Variants in FMO2 observed in about 807,000 individuals in gnomAD.
FMO2 encodes the protein flavin-containing monooxygenase 2.
Under a neutral mutation model 41.6 loss-of-function variants are expected in FMO2, and 33 were observed. The ratio of observed to expected loss-of-function variants is 0.79; its 90% CI spans 0.60 to 1.06. FMO2 has a LOEUF of 1.06. Among genes scored for constraint, FMO2 ranks in the 50% least tolerant of loss-of-function variants. The pLI, the probability that FMO2 is intolerant of heterozygous loss-of-function variation, is 0.00. For missense variants in FMO2, 619 were observed against 632.9 expected (o/e 0.98, Z 0.23); for synonymous variants, 214 against 219.6 (o/e 0.97, Z 0.23).
At position 171,209,572 on chromosome 1, in the gene FMO2, T is replaced by C. The variant is rs1571297147; in HGVS notation, c.*427T>C. 3.3e-5 allele frequency: 5 copies of C among 153,230 alleles called. 1 individual carries two copies. In the South Asian group the frequency reaches 1.0e-3, roughly 32 times the overall value. 9.5% of individuals were successfully genotyped at this position (153,230 alleles called of 1,614,324 possible). A position where few individuals can be genotyped will look rare whatever the true frequency, so the allele number is the denominator to read the frequency against. On this transcript the variant is annotated 3_prime_UTR_variant, in exon 9 of 9. Coordinates refer to ENST00000209929, the MANE Select transcript of FMO2 (RefSeq NM_001460.5). ...TCTGATGGTCTTCTATCCACCCTAC[T>C]TGGTAACAAAGTTCTCAGATGTTAG...
intron 3 of FMO2, among the ~76,000 whole-genome samples, chr1:171,194,234 G>T (rs949999116): frequency 1.3e-5 from 2 of 152,006 alleles, no homozygotes; most frequent in Non-Finnish European, 2.9e-5. Context: ...AAATTCATTG[G>T]TCTCTGTTCA....
chr1:171,207,919 C>A, intron 8 of FMO2, 129 bp downstream of exon 8: 3 of 637,466 alleles, frequency 4.7e-6, no homozygotes, highest in Non-Finnish European at 5.6e-6. Flanking sequence ...ATGATTGAAT[C>A]AGAAACTCCG....
At chr1:171,204,990 T>G (rs1309537444) in intron 6 of FMO2, among the ~76,000 whole-genome samples, 1 of 152,194 alleles carries the variant, frequency 6.6e-6, no homozygotes, top group Admixed American at 6.5e-5. Context: ...TACTTGGGGA[T>G]TGACCATAGG....
In FMO2 at chr1:171,199,472, G is replaced by A. The variant is rs779630398; in HGVS notation, c.611G>A (p.Ser204Asn). ...NSGSDIAVEL[S>N]KNAAQVFIST... The stretch of plus-strand genomic sequence containing the variant: ...GGCTCAGATATTGCTGTTGAGCTGA[G>A]TAAGAATGCTGCTCAGGTGTGATGC... The change falls in exon 5 of 9, where the codon AGT becomes AAT. Residue 204 changes from serine (S) to asparagine (N), a missense_variant. Coordinates refer to ENST00000209929, the MANE Select transcript of FMO2 (RefSeq NM_001460.5). 6.2e-7 allele frequency: 1 copy of A among 1,611,190 alleles called. No individual in the cohort carries two copies. Among genetic ancestry groups the A allele is most frequent in the Non-Finnish European group, 8.5e-7 (1 of 1,178,766 alleles).
intron 3 of FMO2, 58 bp from the exon 4 acceptor site, chr1:171,196,591 C>A: frequency 6.5e-7 from 1 of 1,528,640 alleles, no homozygotes; most frequent in Non-Finnish European, 9.0e-7. Context: ...GAAAGACACA[C>A]TTGGCCAATG....
At chr1:171,207,307 C>T (rs1658800937) in intron 7 of FMO2, among the ~76,000 whole-genome samples, 1 of 152,152 alleles carries the variant, frequency 6.6e-6, no homozygotes, top group Non-Finnish European at 1.5e-5. Flanking sequence ...GGCTTGCCTC[C>T]CTGGAGTCCA....
At chr1:171,192,791 T>A (rs1199486231) in intron 2 of FMO2, among the ~76,000 whole-genome samples, 1 of 151,176 alleles carries the variant, frequency 6.6e-6, no homozygotes, top group Non-Finnish European at 1.5e-5. Flanking sequence ...AAAAAAAGAT[T>A]TGATTCTATC....
chr1:171,193,968 C>T (rs909532685), intron 3 of FMO2, among the ~76,000 whole-genome samples: 12 of 151,874 alleles, frequency 7.9e-5, no homozygotes, highest in Non-Finnish European at 1.5e-4. Context: ...TTGGTAGGGA[C>T]GAGGTTTCAC....
In FMO2 at chr1:171,193,532, T is replaced by A. The variant is rs1362534326; in HGVS notation, c.321+9T>A. The A allele has an allele frequency of 1.9e-6, 3 of 1,568,104 alleles. No individual in the cohort carries two copies. The highest frequency in any genetic ancestry group is 2.6e-6 in the Non-Finnish European group (3 of 1,144,686). ...AATATATTCAGTTCCAGGTATTGTATTTTTGGGGAAATGGGTTTCTCTGCA... is the reference window on the plus strand; with the variant it reads ...AATATATTCAGTTCCAGGTATTGTAATTTTGGGGAAATGGGTTTCTCTGCA... On this transcript the variant is annotated intron_variant, in intron 3 of 8. Transcript: ENST00000209929.
intron 5 of FMO2, among the ~76,000 whole-genome samples, chr1:171,201,742 A>G (rs1275293471): frequency 6.6e-6 from 1 of 152,200 alleles, no homozygotes; most frequent in African/African-American, 2.4e-5. Context: ...ATTGACTTAC[A>G]GTTTGGCATG....
Position 171,193,164 on chromosome 1 carries a change from G to A in FMO2, c.133-171G>A, listed in dbSNP as rs28369848. ...CACAGGCAGGCAACAAACTGGTGTC[G>A]TCACAGAATGATTGATGGAACACAT... On this transcript the variant is annotated intron_variant, in intron 2 of 8. Transcript: ENST00000209929. Among the ~76,000 whole-genome samples, 1,410 of 152,224 alleles carry A rather than the reference G, an allele frequency of 9.3e-3. 24 individuals are homozygous for A. Among genetic ancestry groups the A allele is most frequent in the African/African-American group, 0.033 (1,351 of 41,526 alleles).
chr1:171,205,419 A>G lies in FMO2; in HGVS notation c.968A>G (p.Asp323Gly). 7 of 1,613,902 alleles carry G rather than the reference A, an allele frequency of 4.3e-6. No individual in the cohort carries two copies. Among genetic ancestry groups the G allele is most frequent in the Non-Finnish European group, 5.9e-6 (7 of 1,179,846 alleles). ...FEDGTVEENI[D>G]VIIFATGYSF... ...GATGGAACAGTGGAGGAGAACATTGATGTCATCATTTTTGCAACAGGATAT... is the reference window on the plus strand; with the variant it reads ...GATGGAACAGTGGAGGAGAACATTGGTGTCATCATTTTTGCAACAGGATAT... The change falls in exon 7 of 9, where the codon GAT (aspartate) becomes GGT (glycine). Residue 323 changes from aspartate (D) to glycine (G), a missense_variant. Transcript: ENST00000209929.
At chr1:171,191,860 C>CAAAAAAAAA (rs61114452) in intron 2 of FMO2, among the ~76,000 whole-genome samples, 11 of 73,698 alleles carry the variant, frequency 1.5e-4, no homozygotes, top group Non-Finnish European at 2.5e-4. Flanking sequence ...CTCATCTCTA[C>CAAAAAAAAA]AAAAAAAAAA....
At chr1:171,191,473 A>T (rs1262960680) in intron 2 of FMO2, among the ~76,000 whole-genome samples, 1 of 152,242 alleles carries the variant, frequency 6.6e-6, no homozygotes, top group East Asian at 1.9e-4. Flanking sequence ...ATAATAACAG[A>T]AAAGAGATAA....
At chr1:171,191,053 G>T (rs1658064211) in intron 2 of FMO2, among the ~76,000 whole-genome samples, 1 of 151,972 alleles carries the variant, frequency 6.6e-6, no homozygotes, top group South Asian at 2.1e-4. Context: ...GCTGAGGCAG[G>T]AGAATCACTT....
chr1:171,197,893 C>T (rs759592398), intron 4 of FMO2, among the ~76,000 whole-genome samples: 4 of 152,214 alleles, frequency 2.6e-5, no homozygotes, highest in South Asian at 2.1e-4. Flanking sequence ...TTTCAGCAGA[C>T]GCAGCCCTTC....
intron 2 of FMO2, among the ~76,000 whole-genome samples, chr1:171,192,873 C>T (rs1220080358): frequency 6.6e-6 from 1 of 152,094 alleles, no homozygotes; most frequent in Non-Finnish European, 1.5e-5. Flanking sequence ...TTGCAAACTC[C>T]CTTCCTCCAA....
At chr1:171,185,658 CT>C in intron 1 of FMO2, 49 bp from the exon 2 acceptor site, 1 of 1,598,812 alleles carries the variant, frequency 6.3e-7, no homozygotes, top group South Asian at 1.1e-5. Flanking sequence ...TAAGGATTCT[CT>C]TACCGGTTGT....
chr1:171,203,796 C>A (rs2102008513), intron 5 of FMO2, 69 bp from the exon 6 acceptor site: 3 of 1,335,216 alleles, frequency 2.2e-6, no homozygotes, highest in Non-Finnish European at 2.1e-6. Context: ...TGATACATGA[C>A]CTTCATAGTA....
Sources: allele counts gnomAD v4.1 joint callset (sites outside exome capture counted in the v4.1 genomes callset), GRCh38; gene constraint gnomAD v4.1.1; transcripts MANE v1.5; gene names NCBI Gene and HGNC (gene_info 2026-07-23, HGNC 2026-07-21).